LDB2: variants seen among roughly 807,000 people sequenced by gnomAD.
LDB2 encodes LIM domain-binding protein 2.
In LDB2, 12 loss-of-function variants were observed where a neutral mutation model predicts 44.3. That is an observed-to-expected ratio of 0.27 (90% CI 0.17 to 0.44). LDB2 has a LOEUF of 0.44. LDB2 is among the 20% of genes least tolerant of loss of function. LDB2 has a pLI of 1.00. For synonymous variants in LDB2, 164 were observed against 174.8 expected, an observed-to-expected ratio of 0.94 and a Z score of 0.49; for missense variants, 344 against 473.5, an observed-to-expected ratio of 0.73 and a Z score of 2.54.
intron 1 of LDB2, among the ~76,000 whole-genome samples, chr4:16,821,061 A>G (rs1640942130): frequency 6.6e-6 from 1 of 152,212 alleles, no homozygotes; most frequent in Non-Finnish European, 1.5e-5. Flanking sequence ...ACAGCTATAA[A>G]AGAAAAATAC....
intron 1 of LDB2, among the ~76,000 whole-genome samples, chr4:16,843,199 A>T (rs1786240444): frequency 6.6e-6 from 1 of 152,178 alleles, no homozygotes; most frequent in Non-Finnish European, 1.5e-5. Flanking sequence ...ATAAGTAATC[A>T]TTTCCTTAGT....
chr4:16,830,702 A>G (rs886420236), intron 1 of LDB2, among the ~76,000 whole-genome samples: 2 of 152,212 alleles, frequency 1.3e-5, no homozygotes, highest in Admixed American at 1.3e-4. Flanking sequence ...AACTCAGTGA[A>G]TGGAGTAAGA....
intron 1 of LDB2, among the ~76,000 whole-genome samples, chr4:16,894,192 G>A (rs187043466): frequency 1.2e-4 from 19 of 152,152 alleles, no homozygotes; most frequent in Middle Eastern, 3.4e-3. Flanking sequence ...ATAATTGTGC[G>A]GTTGTATTCT....
At chr4:16,750,511 A>G (rs770589476) in intron 2 of LDB2, among the ~76,000 whole-genome samples, 3 of 152,206 alleles carry the variant, frequency 2.0e-5, no homozygotes, top group Non-Finnish European at 2.9e-5. Context: ...GCTCATGAGT[A>G]CAGTGTCTGG....
intron 5 of LDB2, among the ~76,000 whole-genome samples, chr4:16,568,724 T>G (rs543890629): frequency 5.3e-5 from 8 of 152,342 alleles, no homozygotes; most frequent in African/African-American, 1.9e-4. Flanking sequence ...TATACGTGGC[T>G]TTCACATCCT....
At chr4:16,710,383 A>G (rs1755608691) in intron 2 of LDB2, among the ~76,000 whole-genome samples, 4 of 152,168 alleles carry the variant, frequency 2.6e-5, no homozygotes, top group Non-Finnish European at 5.9e-5. Flanking sequence ...TAAAACGTGG[A>G]GTGTTTTCAT....
chr4:16,670,683 T>C (rs1458912482), intron 2 of LDB2, among the ~76,000 whole-genome samples: 1 of 152,252 alleles, frequency 6.6e-6, no homozygotes, highest in Non-Finnish European at 1.5e-5. Flanking sequence ...TGCATGGCCT[T>C]GGGCAAATTA....
At chr4:16,808,525 C>A (rs1779204816) in intron 1 of LDB2, among the ~76,000 whole-genome samples, 1 of 152,072 alleles carries the variant, frequency 6.6e-6, no homozygotes, top group Admixed American at 6.6e-5. Context: ...ATTATGAACC[C>A]TTTATCTTTC....
intron 5 of LDB2, among the ~76,000 whole-genome samples, chr4:16,572,581 A>G (rs755177308): frequency 6.6e-6 from 1 of 151,770 alleles, no homozygotes; most frequent in Non-Finnish European, 1.5e-5. Flanking sequence ...GTTGTTTTGT[A>G]TATATATGTG....
At position 16,674,230 on chromosome 4, in the gene LDB2, T is replaced by C. The variant is rs941710078; in HGVS notation, c.236-78355A>G. The C allele has an allele frequency of 3.9e-6, 5 of 1,288,588 alleles. No homozygotes were observed. In the African/African-American group the frequency reaches 6.1e-5, roughly 16 times the overall value. The allele number at this position is 1,288,588 out of a possible 1,614,324, so 79.8% of individuals were successfully genotyped here. On this transcript the variant is annotated intron_variant, in intron 2 of 7. Transcript: ENST00000304523. ...GTCAAACAGAAAAGCAATTACATGA[T>C]AGGAAATTGTAATAATCCATCACAG...
chr4:16,758,580 G>A (rs1387262149), intron 2 of LDB2, among the ~76,000 whole-genome samples: 4 of 152,188 alleles, frequency 2.6e-5, no homozygotes, highest in Admixed American at 2.6e-4. Context: ...GCCACACGCT[G>A]TAATTTGAGG....
At chr4:16,565,487 C>A (rs1326108178) in intron 5 of LDB2, among the ~76,000 whole-genome samples, 1 of 151,744 alleles carries the variant, frequency 6.6e-6, no homozygotes, top group Non-Finnish European at 1.5e-5. Flanking sequence ...ATAGATATTA[C>A]CTTAACATGA....
intron 5 of LDB2, among the ~76,000 whole-genome samples, chr4:16,544,535 A>G (rs1299919923): frequency 6.6e-6 from 1 of 152,184 alleles, no homozygotes; most frequent in African/African-American, 2.4e-5. Context: ...AGAACAACTG[A>G]GTGGAAACAG....
At chr4:16,844,187 G>A (rs566974359) in intron 1 of LDB2, among the ~76,000 whole-genome samples, 3 of 141,868 alleles carry the variant, frequency 2.1e-5, no homozygotes, top group African/African-American at 7.9e-5. Flanking sequence ...AGCCTAGAAG[G>A]TGAAGGCCTG....
At chr4:16,769,619 T>C (rs886653027) in intron 1 of LDB2, among the ~76,000 whole-genome samples, 4 of 151,012 alleles carry the variant, frequency 2.6e-5, no homozygotes, top group African/African-American at 9.8e-5. Context: ...TTTTTTTTTT[T>C]CTTAAACAAC....
At chr4:16,702,599 C>T (rs776792641) in intron 2 of LDB2, among the ~76,000 whole-genome samples, 6 of 152,206 alleles carry the variant, frequency 3.9e-5, no homozygotes, top group Middle Eastern at 3.2e-3. Context: ...AAGTGCCTCT[C>T]CCTTGCAGAC....
At chr4:16,559,134 G>A (rs1469041133) in intron 5 of LDB2, among the ~76,000 whole-genome samples, 2 of 152,116 alleles carry the variant, frequency 1.3e-5, no homozygotes, top group East Asian at 3.8e-4. Flanking sequence ...AGACCATCAA[G>A]GCTAGGAAGA....
At chr4:16,763,802 C>T (rs1028910717) in intron 1 of LDB2, among the ~76,000 whole-genome samples, 32 of 152,112 alleles carry the variant, frequency 2.1e-4, no homozygotes, top group African/African-American at 7.5e-4. Flanking sequence ...CTGACTTGCA[C>T]ATATGATTTC....
chr4:16,564,166 G>A (rs984291181), intron 5 of LDB2, among the ~76,000 whole-genome samples: 1 of 151,982 alleles, frequency 6.6e-6, no homozygotes, highest in Admixed American at 6.6e-5. Flanking sequence ...ACAACCCTCA[G>A]TGTCTCAAAT....
Sources: allele counts gnomAD v4.1 joint callset (sites outside exome capture counted in the v4.1 genomes callset), GRCh38; gene constraint gnomAD v4.1.1; transcripts MANE v1.5; gene names NCBI Gene and HGNC (gene_info 2026-07-23, HGNC 2026-07-21).